LY96: variants seen among roughly 807,000 people sequenced by gnomAD.
LY96 encodes myeloid differentiation protein-2.
Under a neutral mutation model 18.9 loss-of-function variants are expected in LY96, and 18 were observed. That is an observed-to-expected ratio of 0.95 (90% CI 0.66 to 1.41). The LOEUF (loss-of-function observed/expected upper bound fraction) is 1.41. LY96 is among the 40% of genes most tolerant of loss of function. LY96 has a pLI of 0.00. For synonymous variants in LY96, 66 were observed against 62.6 expected (o/e 1.06, Z -0.26); for missense variants, 175 against 182.4 (o/e 0.96, Z 0.23).
chr8:74,001,937 A>ACCTTCCTTCCTTCCTTCCTT (rs568575292), intron 1 of LY96, among the ~76,000 whole-genome samples: 5 of 63,452 alleles, frequency 7.9e-5, no homozygotes, highest in South Asian at 7.3e-4. Context: ...TTTTCAACCA[A>ACCTTCCTTCCTTCCTTCCTT]CCTTCCTTCC....
chr8:74,057,642 T>C, the LY96 span, among the ~76,000 whole-genome samples: 1 of 152,084 alleles, frequency 6.6e-6, no homozygotes. Flanking sequence ...GAAATCATGA[T>C]TGTTGGGGCA....
At chr8:74,015,658 TG>T (rs1014305507) in intron 3 of LY96, among the ~76,000 whole-genome samples, 4 of 152,178 alleles carry the variant, frequency 2.6e-5, no homozygotes, top group African/African-American at 9.7e-5. Flanking sequence ...CATATCTTTT[TG>T]GGGGACACAA....
chr8:74,081,048 T>TTCTTTTTC, the LY96 span, among the ~76,000 whole-genome samples: 1 of 97,072 alleles, frequency 1.0e-5, no homozygotes. Context: ...CTTTCTTTCT[T>TTCTTTTTC]TTTCTTTCTT....
the LY96 span, among the ~76,000 whole-genome samples, chr8:74,045,243 C>G: frequency 6.6e-6 from 1 of 152,084 alleles, no homozygotes; most frequent in Non-Finnish European, 1.5e-5. Flanking sequence ...ATGAACCAAG[C>G]AATAATCAAT....
At chr8:74,045,279 C>T in the LY96 span, among the ~76,000 whole-genome samples, 1 of 152,106 alleles carries the variant, frequency 6.6e-6, no homozygotes, top group Non-Finnish European at 1.5e-5. Context: ...CATGCCTTAA[C>T]ATGACATAAA....
chr8:74,093,254 T>C, the LY96 span, among the ~76,000 whole-genome samples: 1 of 152,230 alleles, frequency 6.6e-6, no homozygotes, highest in Non-Finnish European at 1.5e-5. Context: ...TGCCTTCCTT[T>C]CTACTGTTGC....
intron 2 of LY96, 39 bp from the exon 3 acceptor site, chr8:74,009,962 C>A: frequency 6.8e-7 from 1 of 1,464,334 alleles, no homozygotes; most frequent in South Asian, 1.1e-5. Context: ...ATAAAAGAAT[C>A]TACTATTTGA....
chr8:74,094,351 A>G, the LY96 span, among the ~76,000 whole-genome samples: 2 of 152,182 alleles, frequency 1.3e-5, no homozygotes, highest in Admixed American at 1.3e-4. Flanking sequence ...ACTCATGAGT[A>G]GATACCTATC....
intron 4 of LY96, 38 bp from the exon 5 acceptor site, chr8:74,028,918 C>A: frequency 3.2e-6 from 4 of 1,254,406 alleles, no homozygotes; most frequent in Non-Finnish European, 4.7e-6. Flanking sequence ...TAGCATCTAA[C>A]ATTTTGTATT....
At chr8:74,071,992 C>G in the LY96 span, among the ~76,000 whole-genome samples, 12,986 of 152,128 alleles carry the variant, frequency 0.085, 969 homozygotes, top group African/African-American at 0.21. Flanking sequence ...TATGTCTCCT[C>G]TATGCCAAGT....
chr8:73,996,713 C>T (rs1816154975), intron 1 of LY96, among the ~76,000 whole-genome samples: 1 of 151,590 alleles, frequency 6.6e-6, no homozygotes, highest in Non-Finnish European at 1.5e-5. Context: ...GCCACTGCGC[C>T]TGGTCCCGGC....
the LY96 span, among the ~76,000 whole-genome samples, chr8:74,078,426 C>T: frequency 2.0e-5 from 3 of 152,186 alleles, no homozygotes; most frequent in African/African-American, 4.8e-5. Context: ...AGGTCCTTTA[C>T]ATACATTGTC....
At chr8:74,036,208 C>A in the LY96 span, among the ~76,000 whole-genome samples, 1,024 of 152,244 alleles carry the variant, frequency 6.7e-3, 4 homozygotes, top group Non-Finnish European at 0.01. Context: ...AAATCACCTC[C>A]CTGGTTCAGG....
chr8:74,054,472 C>G, the LY96 span, among the ~76,000 whole-genome samples: 1 of 151,998 alleles, frequency 6.6e-6, no homozygotes, highest in Non-Finnish European at 1.5e-5. Flanking sequence ...TCACCTGGAA[C>G]CGAGGTTCCT....
At chr8:74,037,874 A>G in the LY96 span, among the ~76,000 whole-genome samples, 22 of 152,060 alleles carry the variant, frequency 1.4e-4, no homozygotes, top group African/African-American at 5.1e-4. Flanking sequence ...TAGCCCTCCT[A>G]CCATTCCCTT....
the LY96 span, among the ~76,000 whole-genome samples, chr8:74,034,818 T>C: frequency 6.6e-6 from 1 of 152,024 alleles, no homozygotes; most frequent in South Asian, 2.1e-4. Context: ...GCATGTGAGA[T>C]TGTAAGGGCC....
Position 74,005,005 on chromosome 8 carries a change from G to A in LY96, c.202+120G>A, listed in dbSNP as rs144188968. The A allele has an allele frequency of 2.4e-5, 25 of 1,042,964 alleles. No homozygotes were observed. In the African/African-American group the frequency reaches 2.5e-4, roughly 11 times the overall value. The allele number at this position is 1,042,964 out of a possible 1,614,324, so 64.6% of individuals were successfully genotyped here. A position where few individuals can be genotyped will look rare whatever the true frequency, so the allele number is the denominator to read the frequency against. ...CTATTGCTACGTAACAAATTACCAC[G>A]ATCTTTGTGGCTTAACACAGCACAC... is the stretch of plus-strand genomic sequence containing the variant. On this transcript the variant is annotated intron_variant, in intron 2 of 4. Coordinates refer to ENST00000284818, the MANE Select transcript of LY96 (RefSeq NM_015364.5).
the LY96 span, among the ~76,000 whole-genome samples, chr8:74,082,835 GC>G: frequency 6.6e-6 from 1 of 152,158 alleles, no homozygotes; most frequent in Non-Finnish European, 1.5e-5. Flanking sequence ...ACTTAGCAAG[GC>G]CTGTTTGTTC....
chr8:74,019,888 T>C (rs1816724018), intron 3 of LY96, among the ~76,000 whole-genome samples: 1 of 152,124 alleles, frequency 6.6e-6, no homozygotes, highest in Non-Finnish European at 1.5e-5. Context: ...TGCTAAAAAC[T>C]CTCAATAAAC....
Sources: gnomAD v4.1 joint callset for allele counts (sites outside exome capture counted in the v4.1 genomes callset) on GRCh38, gnomAD v4.1.1 for gene constraint, MANE v1.5 for transcripts, NCBI Gene and HGNC (gene_info 2026-07-23, HGNC 2026-07-21) for gene names.